Variants in B3GLCT observed in about 807,000 individuals in gnomAD.
B3GLCT encodes the protein beta-1,3-glucosyltransferase.
B3GLCT carries 65 observed loss-of-function variants against 63.4 expected under a neutral mutation model. The ratio of observed to expected loss-of-function variants is 1.03; its 90% CI spans 0.84 to 1.26. The LOEUF is 1.26. B3GLCT is among the 50% of genes most tolerant of loss of function. The pLI is 0.00. For synonymous variants in B3GLCT, 233 were observed against 219.2 expected (o/e 1.06, Z -0.55); for missense variants, 577 against 604.8 (o/e 0.95, Z 0.48).
intron 12 of B3GLCT, among the ~76,000 whole-genome samples, chr13:31,301,964 C>G (rs1246838470): frequency 6.6e-6 from 1 of 152,176 alleles, no homozygotes; most frequent in East Asian, 1.9e-4. Context: ...ATGGCTCTCC[C>G]CTTTCTTTTT....
chr13:31,257,828 T>C (rs780719388), intron 6 of B3GLCT, among the ~76,000 whole-genome samples: 11 of 152,194 alleles, frequency 7.2e-5, no homozygotes, highest in Non-Finnish European at 1.3e-4. Context: ...TTTAAATCTT[T>C]CCTGGACTTG....
chr13:31,219,797 C>G (rs888537482), intron 2 of B3GLCT, among the ~76,000 whole-genome samples: 2 of 152,228 alleles, frequency 1.3e-5, no homozygotes, highest in Non-Finnish European at 2.9e-5. Context: ...CATAAGCCAT[C>G]TTTCCTACCT....
intron 7 of B3GLCT, among the ~76,000 whole-genome samples, chr13:31,261,622 A>T (rs1186752854): frequency 1.3e-5 from 2 of 152,250 alleles, no homozygotes; most frequent in Non-Finnish European, 2.9e-5. Flanking sequence ...AAGTGAAGAT[A>T]GTTAAATTGT....
rs989562225 is a variant in B3GLCT, at chr13:31,323,881, C to T, written c.1315C>T (p.Pro439Ser). 13 of 1,614,152 alleles carry T rather than the reference C, an allele frequency of 8.1e-6. No homozygotes were observed. The highest frequency in any genetic ancestry group is 5.5e-5 in the South Asian group (5 of 91,086). ...SGLGIPVTHS[P>S]LFHQARPVDY... ...CTTGGGAATCCCTGTGACACACAGCCCTCTCTTCCATCAGGTGAGGAAATG... is the reference window on the plus strand; with the variant it reads ...CTTGGGAATCCCTGTGACACACAGCTCTCTCTTCCATCAGGTGAGGAAATG... Residue 439 changes from proline to serine, a missense_variant, in exon 14 of 15, where the codon CCT (proline) becomes TCT (serine). By Grantham distance (74) the Pro-to-Ser change is moderately conservative. Transcript: ENST00000343307.
chr13:31,291,193 T>G (rs1382932718), intron 12 of B3GLCT, among the ~76,000 whole-genome samples: 1 of 152,216 alleles, frequency 6.6e-6, no homozygotes, highest in South Asian at 2.1e-4. Context: ...TTCTATTCCA[T>G]TGGTCTGTAT....
At chr13:31,260,016 C>A (rs573247201) in intron 6 of B3GLCT, among the ~76,000 whole-genome samples, 1 of 152,288 alleles carries the variant, frequency 6.6e-6, no homozygotes, top group African/African-American at 2.4e-5. Context: ...TCTTTCGTTA[C>A]ACTTAGAATA....
chr13:31,242,344 A>G (rs1351661375), intron 4 of B3GLCT, among the ~76,000 whole-genome samples: 1 of 152,208 alleles, frequency 6.6e-6, no homozygotes, highest in East Asian at 1.9e-4. Context: ...TGTCTCCCTC[A>G]TGAGAACATG....
intron 12 of B3GLCT, among the ~76,000 whole-genome samples, chr13:31,316,576 T>C (rs925667087): frequency 1.3e-5 from 2 of 151,302 alleles, no homozygotes; most frequent in African/African-American, 2.4e-5. Flanking sequence ...GTGGCCCCTT[T>C]GTTTTGGCCA....
At chr13:31,296,661 T>C (rs1873957633) in intron 12 of B3GLCT, among the ~76,000 whole-genome samples, 1 of 152,152 alleles carries the variant, frequency 6.6e-6, no homozygotes, top group South Asian at 2.1e-4. Flanking sequence ...AGGGTCTATT[T>C]TTCAATAGAG....
At chr13:31,319,860 G>A (rs1875247942) in intron 13 of B3GLCT, among the ~76,000 whole-genome samples, 1 of 152,108 alleles carries the variant, frequency 6.6e-6, no homozygotes, top group Admixed American at 6.5e-5. Context: ...CCCCTCTCAG[G>A]GAAAACATTG....
Position 31,247,117 on chromosome 13 carries a change from ACC to A in B3GLCT, c.347+19_347+20del. 1 of 1,588,042 alleles carries A rather than the reference ACC, an allele frequency of 6.3e-7. No individual in the cohort carries two copies. Among genetic ancestry groups the A allele is most frequent in the Non-Finnish European group, 8.6e-7 (1 of 1,156,836 alleles). The stretch of plus-strand genomic sequence containing the variant: ...TTACCGCAGTACGTTTGTTTAACTC[ACC>A]TGTGAATTACTGACATTCCTACCTG... On this transcript the variant is annotated intron_variant, in intron 5 of 14. Coordinates refer to ENST00000343307, the MANE Select transcript of B3GLCT (RefSeq NM_194318.4).
At chr13:31,261,530 G>C (rs1198514944) in intron 7 of B3GLCT, among the ~76,000 whole-genome samples, 5 of 152,094 alleles carry the variant, frequency 3.3e-5, no homozygotes, top group Non-Finnish European at 5.9e-5. Flanking sequence ...CAGTCAGGAG[G>C]GACAGCTAGT....
chr13:31,239,288 A>AT (rs1870814374), intron 4 of B3GLCT, among the ~76,000 whole-genome samples: 1 of 151,996 alleles, frequency 6.6e-6, no homozygotes, highest in Non-Finnish European at 1.5e-5. Flanking sequence ...AAGAAGAGCT[A>AT]TTTTTTTCCC....
At chr13:31,212,267 C>CTTTTTTTTT (rs59719685) in intron 1 of B3GLCT, among the ~76,000 whole-genome samples, 2 of 91,638 alleles carry the variant, frequency 2.2e-5, no homozygotes, top group Non-Finnish European at 2.0e-5. Context: ...GCATAACTGG[C>CTTTTTTTTT]TTTTTTTTTT....
chr13:31,286,651 AGAAAT>A, intron 11 of B3GLCT, 64 bp from the exon 12 acceptor site: 1 of 1,134,948 alleles, frequency 8.8e-7, no homozygotes, highest in Non-Finnish European at 1.3e-6. Flanking sequence ...AAAACTAAAA[AGAAAT>A]GAACAAATTC....
chr13:31,229,242 G>C lies in B3GLCT; in HGVS notation c.218G>C (p.Arg73Thr), dbSNP rs1377739902. Residue 73 changes from arginine to threonine, a missense_variant, in exon 4 of 15, where the codon AGA (arginine) becomes ACA (threonine). Arg to Thr is a moderately conservative substitution (Grantham distance 71). Coordinates refer to ENST00000343307, the MANE Select transcript of B3GLCT (RefSeq NM_194318.4). ...CAAAGTAATTCTTTTCATGCAAAGAGAGCAGAGCAGTTAAAAAAAAGCATC... is the reference window on the plus strand; with the variant it reads ...CAAAGTAATTCTTTTCATGCAAAGACAGCAGAGCAGTTAAAAAAAAGCATC... ...QSQSNSFHAKRAEQLKKSILK... is the reference protein window; with the variant it reads ...QSQSNSFHAKTAEQLKKSILK... 6.2e-7 allele frequency: 1 copy of C among 1,613,562 alleles called. No homozygotes were observed.
chr13:31,208,864 C>A (rs1329363558), intron 1 of B3GLCT, among the ~76,000 whole-genome samples: 3 of 152,058 alleles, frequency 2.0e-5, no homozygotes, highest in African/African-American at 7.2e-5. Context: ...CATGATATGG[C>A]CCCTGGTACC....
intron 12 of B3GLCT, among the ~76,000 whole-genome samples, chr13:31,308,772 G>T (rs1874546399): frequency 6.6e-6 from 1 of 151,976 alleles, no homozygotes; most frequent in Non-Finnish European, 1.5e-5. Flanking sequence ...TAATTATTTG[G>T]TTCTTCCCTT....
chr13:31,238,542 A>G (rs1870768782), intron 4 of B3GLCT, among the ~76,000 whole-genome samples: 1 of 152,258 alleles, frequency 6.6e-6, no homozygotes, highest in Non-Finnish European at 1.5e-5. Context: ...AGGATTAGAA[A>G]GGAATTTAGT....
Sources: allele counts gnomAD v4.1 joint callset (sites outside exome capture counted in the v4.1 genomes callset), GRCh38; gene constraint gnomAD v4.1.1; transcripts MANE v1.5; gene names NCBI Gene and HGNC (gene_info 2026-07-23, HGNC 2026-07-21).